Variants in GPC3 observed in about 807,000 individuals in gnomAD.
GPC3 encodes the protein glypican-3.
Under a neutral mutation model 34.4 loss-of-function variants are expected in GPC3, and 3 were observed. That is an observed-to-expected ratio of 0.09 (90% CI 0.04 to 0.23). The LOEUF (loss-of-function observed/expected upper bound fraction) is 0.23. GPC3 is among the 10% of genes least tolerant of loss of function. The pLI is 1.00. For missense variants in GPC3, 351 were observed against 445.6 expected (o/e 0.79, Z 1.91); for synonymous variants, 177 against 174.0 (o/e 1.02, Z -0.13).
chrX:133,641,344 C>T (rs12393261), intron 6 of GPC3, among the ~76,000 whole-genome samples: 4,735 of 108,930 alleles, frequency 0.043, 259 homozygotes, highest in African/African-American at 0.15. Context: ...GGTGTGGTGA[C>T]GCGCGCCTGT....
chrX:133,875,401 C>T (rs1408794584), intron 2 of GPC3, among the ~76,000 whole-genome samples: 1 of 111,541 alleles, frequency 9.0e-6, no homozygotes, highest in African/African-American at 3.3e-5. Context: ...AGGCAGACAG[C>T]CCTAGAACAC....
intron 2 of GPC3, among the ~76,000 whole-genome samples, chrX:133,919,072 A>G (rs185606163): frequency 3.7e-4 from 41 of 111,805 alleles, no homozygotes; most frequent in African/African-American, 1.2e-3. Flanking sequence ...ATGAGACCCA[A>G]CACAGTGAAC....
chrX:133,965,824 G>A (rs1009277556), intron 1 of GPC3, among the ~76,000 whole-genome samples: 2 of 111,315 alleles, frequency 1.8e-5, no homozygotes, highest in Non-Finnish European at 3.8e-5. Flanking sequence ...AGCACTCTGT[G>A]AGTAATGCCC....
chrX:133,902,904 A>G (rs1424583871), intron 2 of GPC3, among the ~76,000 whole-genome samples: 1 of 111,630 alleles, frequency 9.0e-6, no homozygotes, highest in Non-Finnish European at 1.9e-5. Flanking sequence ...GCTTCTTCCC[A>G]TGTATTATTT....
At chrX:133,758,710 T>TA (rs1378887625) in intron 2 of GPC3, among the ~76,000 whole-genome samples, 6 of 110,395 alleles carry the variant, frequency 5.4e-5, no homozygotes, top group Admixed American at 2.9e-4. Context: ...AAAATAAAAT[T>TA]AAAAAATAAA....
chrX:133,671,025 C>G (rs1473818057), intron 5 of GPC3: 39 of 547,983 alleles, frequency 7.1e-5, no homozygotes, highest in South Asian at 1.2e-4. Flanking sequence ...CCGACTACTT[C>G]AGGGGAAACA....
intron 4 of GPC3, among the ~76,000 whole-genome samples, chrX:133,693,237 G>A (rs2071083920): frequency 1.8e-5 from 2 of 108,503 alleles, no homozygotes; most frequent in South Asian, 8.4e-4. Flanking sequence ...GTGACACAGA[G>A]AGAGAATATA....
intron 1 of GPC3, among the ~76,000 whole-genome samples, chrX:133,972,354 A>T (rs1419808503): frequency 8.9e-6 from 1 of 112,357 alleles, no homozygotes; most frequent in Non-Finnish European, 1.9e-5. Flanking sequence ...TTCCACTCTG[A>T]CTTCTGGAGA....
chrX:133,565,234 C>T (rs777822268), intron 7 of GPC3, among the ~76,000 whole-genome samples: 2 of 111,560 alleles, frequency 1.8e-5, no homozygotes, highest in East Asian at 2.8e-4. Context: ...GCTTTTTCAA[C>T]GCCCACTGCC....
At chrX:133,562,676 C>T (rs2069548969) in intron 7 of GPC3, among the ~76,000 whole-genome samples, 1 of 111,501 alleles carries the variant, frequency 9.0e-6, no homozygotes, top group African/African-American at 3.3e-5. Flanking sequence ...GCACCTCAGT[C>T]TCCATCTGCG....
At chrX:133,943,433 C>T (rs2076353077) in intron 2 of GPC3, among the ~76,000 whole-genome samples, 2 of 112,639 alleles carry the variant, frequency 1.8e-5, no homozygotes, top group Admixed American at 1.9e-4. Flanking sequence ...AGAGAGAACA[C>T]ATAGCATTAT....
At chrX:133,799,398 A>T (rs1268026370) in intron 2 of GPC3, among the ~76,000 whole-genome samples, 1 of 111,052 alleles carries the variant, frequency 9.0e-6, no homozygotes, top group Non-Finnish European at 1.9e-5. Context: ...TCTCAAAAAA[A>T]AGTCCTGAAG....
chrX:133,860,110 C>G (rs1010034809), intron 2 of GPC3, among the ~76,000 whole-genome samples: 1 of 111,823 alleles, frequency 8.9e-6, no homozygotes, highest in Non-Finnish European at 1.9e-5. Flanking sequence ...AGGCCCAACT[C>G]TAACACGGGA....
At chrX:133,958,723 A>AC (rs1394854436) in intron 1 of GPC3, among the ~76,000 whole-genome samples, 2 of 104,409 alleles carry the variant, frequency 1.9e-5, no homozygotes, top group African/African-American at 7.0e-5. Context: ...AAAAAAAAAA[A>AC]CAAAAAAAAA....
chrX:133,921,725 G>A (rs950797469), intron 2 of GPC3, among the ~76,000 whole-genome samples: 38 of 112,134 alleles, frequency 3.4e-4, no homozygotes, highest in African/African-American at 1.1e-3. Context: ...CGTAGCACTG[G>A]TTCTGACTTG....
chrX:133,929,731 A>G (rs1443118544), intron 2 of GPC3, among the ~76,000 whole-genome samples: 3 of 112,380 alleles, frequency 2.7e-5, no homozygotes, highest in Admixed American at 1.9e-4. Flanking sequence ...TAGTAAAACT[A>G]TACAATCTAT....
At chrX:133,852,447 G>A (rs1169375884) in intron 2 of GPC3, among the ~76,000 whole-genome samples, 3 of 112,239 alleles carry the variant, frequency 2.7e-5, no homozygotes, top group Non-Finnish European at 5.6e-5. Flanking sequence ...AAAACACGCA[G>A]CTAAAATGGG....
At chrX:133,692,342 C>CT (rs763042239) in intron 5 of GPC3, 27 bp downstream of exon 5, 1 of 1,194,122 alleles carries the variant, frequency 8.4e-7, no homozygotes, top group East Asian at 3.0e-5. Flanking sequence ...TCAAATATTG[C>CT]TATATGTAAC....
At chrX:133,972,144 T>A (rs953623201) in intron 1 of GPC3, among the ~76,000 whole-genome samples, 2 of 112,225 alleles carry the variant, frequency 1.8e-5, no homozygotes, top group African/African-American at 6.5e-5. Flanking sequence ...CACTGAAGTT[T>A]TAAAGCCAAG....
Sources: allele counts gnomAD v4.1 joint callset (sites outside exome capture counted in the v4.1 genomes callset), GRCh38; gene constraint gnomAD v4.1.1; transcripts MANE v1.5; gene names NCBI Gene and HGNC (gene_info 2026-07-23, HGNC 2026-07-21).